Variants in AP3S1 observed in about 807,000 individuals in gnomAD.
AP3S1 encodes AP-3 complex subunit sigma-1.
AP3S1 carries 12 observed loss-of-function variants against 21.3 expected under a neutral mutation model. That is an observed-to-expected ratio of 0.56 (90% CI 0.36 to 0.91). AP3S1 has a LOEUF of 0.91. Among genes scored for constraint, AP3S1 ranks in the 40% least tolerant of loss-of-function variants. AP3S1 has a pLI of 0.01. For missense variants in AP3S1, 116 were observed against 225.0 expected, an observed-to-expected ratio of 0.52 and a Z score of 3.10; for synonymous variants, 48 against 78.4, an observed-to-expected ratio of 0.61 and a Z score of 2.05.
At chr5:115,892,294 G>C (rs1004791358) in intron 3 of AP3S1, among the ~76,000 whole-genome samples, 1 of 152,154 alleles carries the variant, frequency 6.6e-6, no homozygotes, top group Non-Finnish European at 1.5e-5. Flanking sequence ...ATAGGATCCA[G>C]CTCACTGCTG....
At chr5:115,887,914 C>G (rs1225827668) in intron 3 of AP3S1, among the ~76,000 whole-genome samples, 1 of 152,066 alleles carries the variant, frequency 6.6e-6, no homozygotes, top group East Asian at 1.9e-4. Context: ...TGTTTTATAA[C>G]TAGAATAGCA....
At chr5:115,876,384 G>T (rs1000772215) in intron 3 of AP3S1, among the ~76,000 whole-genome samples, 9 of 152,242 alleles carry the variant, frequency 5.9e-5, no homozygotes, top group Admixed American at 1.3e-4. Flanking sequence ...CTTCAATGTA[G>T]GTTTAAGAGA....
At chr5:115,853,934 C>G (rs1175207431) in intron 1 of AP3S1, among the ~76,000 whole-genome samples, 1 of 152,078 alleles carries the variant, frequency 6.6e-6, no homozygotes, top group African/African-American at 2.4e-5. Context: ...TCATTTTTTG[C>G]TTCTATAACA....
intron 5 of AP3S1, chr5:115,906,765 C>T (rs1751688277): frequency 2.2e-6 from 3 of 1,338,688 alleles, no homozygotes; most frequent in East Asian, 5.2e-5. Flanking sequence ...AGTCAGTCCT[C>T]TTTTTTTTCC....
At position 115,865,986 on chromosome 5, in the gene AP3S1, C is replaced by T. The variant is rs553530647; in HGVS notation, c.70-684C>T. ...GCTATTTTTGTATTTTTAGTAGAGA[C>T]GGGGTTTCACTGTGTTGGCCAGGAT... On this transcript the variant is annotated intron_variant, in intron 1 of 5. Transcript: ENST00000316788. Among the ~76,000 whole-genome samples the T allele has an allele frequency of 9.9e-5, 15 of 152,092 alleles. 1 individual carries two copies. The highest frequency in any genetic ancestry group is 8.3e-4 in the South Asian group (4 of 4,826).
At chr5:115,899,725 T>G (rs1751051504) in intron 4 of AP3S1, among the ~76,000 whole-genome samples, 1 of 152,082 alleles carries the variant, frequency 6.6e-6, no homozygotes, top group Admixed American at 6.5e-5. Context: ...GAAGATCAAG[T>G]GTAGGAAATA....
At chr5:115,863,668 T>C (rs753422438) in intron 1 of AP3S1, among the ~76,000 whole-genome samples, 2 of 152,194 alleles carry the variant, frequency 1.3e-5, no homozygotes, top group African/African-American at 2.4e-5. Flanking sequence ...CCTTTTTACG[T>C]CGTATTGAAA....
At chr5:115,862,177 C>A (rs915397173) in intron 1 of AP3S1, among the ~76,000 whole-genome samples, 1 of 151,992 alleles carries the variant, frequency 6.6e-6, no homozygotes, top group African/African-American at 2.4e-5. Flanking sequence ...TCTCCTGGTA[C>A]AGAGGTTAAG....
intron 4 of AP3S1, among the ~76,000 whole-genome samples, chr5:115,896,515 A>T (rs1750766330): frequency 6.6e-6 from 1 of 152,220 alleles, no homozygotes; most frequent in African/African-American, 2.4e-5. Flanking sequence ...GCAGGTGCTC[A>T]TGTCTGTAAT....
At chr5:115,869,943 T>C in intron 2 of AP3S1, 74 bp from the exon 3 acceptor site, 2 of 904,128 alleles carry the variant, frequency 2.2e-6, no homozygotes, top group Non-Finnish European at 3.3e-6. Context: ...TTAAACAAAT[T>C]GTCAGTTTGC....
chr5:115,888,752 A>G (rs1429664975), intron 3 of AP3S1, among the ~76,000 whole-genome samples: 1 of 152,048 alleles, frequency 6.6e-6, no homozygotes, highest in Non-Finnish European at 1.5e-5. Context: ...ATCAGTATTT[A>G]TCAGCAGAAT....
intron 5 of AP3S1, among the ~76,000 whole-genome samples, chr5:115,911,369 T>A (rs1752095897): frequency 6.6e-6 from 1 of 151,830 alleles, no homozygotes; most frequent in African/African-American, 2.4e-5. Flanking sequence ...TCTCTCACAA[T>A]AATAAAATCC....
chr5:115,895,339 G>A (rs979648686), intron 4 of AP3S1, among the ~76,000 whole-genome samples, 181 bp downstream of exon 4: 3 of 152,048 alleles, frequency 2.0e-5, no homozygotes, highest in Non-Finnish European at 4.4e-5. Context: ...CTGCCTTAGA[G>A]GAGTTCACAT....
intron 2 of AP3S1, among the ~76,000 whole-genome samples, chr5:115,869,176 C>T (rs1048481898): frequency 3.9e-5 from 6 of 152,106 alleles, no homozygotes; most frequent in African/African-American, 1.4e-4. Context: ...ATTATTATTT[C>T]TAAAATACTA....
intron 3 of AP3S1, among the ~76,000 whole-genome samples, chr5:115,875,489 A>C (rs1223313309): frequency 6.6e-6 from 1 of 152,188 alleles, no homozygotes; most frequent in Non-Finnish European, 1.5e-5. Context: ...GCCTTGGGCT[A>C]TGTAGGTTTG....
intron 1 of AP3S1, among the ~76,000 whole-genome samples, chr5:115,849,172 C>G (rs1762265622): frequency 6.6e-6 from 1 of 152,180 alleles, no homozygotes; most frequent in Non-Finnish European, 1.5e-5. Flanking sequence ...CACCCTTGCC[C>G]TGTGGGTTTA....
chr5:115,901,231 G>T (rs12519850), intron 4 of AP3S1, among the ~76,000 whole-genome samples: 20,942 of 151,870 alleles, frequency 0.14, 1,921 homozygotes, highest in East Asian at 0.32. Flanking sequence ...ATATACACAC[G>T]TATAACAAGT....
At chr5:115,868,992 C>G in intron 2 of AP3S1, among the ~76,000 whole-genome samples, 1 of 126,368 alleles carries the variant, frequency 7.9e-6, no homozygotes, top group Non-Finnish European at 1.7e-5. Context: ...GGAGAGATGC[C>G]ATTTTCCCAT....
intron 4 of AP3S1, among the ~76,000 whole-genome samples, chr5:115,897,790 C>T (rs1750881836): frequency 6.6e-6 from 1 of 151,974 alleles, no homozygotes; most frequent in African/African-American, 2.4e-5. Context: ...TCTCGATCTC[C>T]TGACCTCGTG....
Sources: allele counts gnomAD v4.1 joint callset (sites outside exome capture counted in the v4.1 genomes callset), GRCh38; gene constraint gnomAD v4.1.1; transcripts MANE v1.5; gene names NCBI Gene and HGNC (gene_info 2026-07-23, HGNC 2026-07-21).